Variants in P2RY14 observed in about 807,000 individuals in gnomAD.
P2RY14 encodes purinergic receptor P2Y14.
A neutral mutation model predicts 0.9 loss-of-function variants in P2RY14; 2 were observed. That is an observed-to-expected ratio of 2.16 (90% CI 0.88 to 6.79). The LOEUF (loss-of-function observed/expected upper bound fraction) is 6.79. P2RY14 is among the 30% of genes most tolerant of loss of function. P2RY14 has a pLI of 0.05. For synonymous variants in P2RY14, 158 were observed against 147.2 expected, an observed-to-expected ratio of 1.07 and a Z score of -0.53; for missense variants, 378 against 400.1, an observed-to-expected ratio of 0.94 and a Z score of 0.47.
chr3:151,224,816 C>T (rs937540551), intron 1 of P2RY14, among the ~76,000 whole-genome samples: 8 of 152,122 alleles, frequency 5.3e-5, no homozygotes, highest in African/African-American at 1.9e-4. Context: ...CATTTGATAT[C>T]ATTGATTTCC....
At chr3:151,248,495 TTATA>T (rs1292874894) in intron 1 of P2RY14, among the ~76,000 whole-genome samples, 1 of 152,170 alleles carries the variant, frequency 6.6e-6, no homozygotes, top group African/African-American at 2.4e-5. Context: ...TGCCCTGAGA[TTATA>T]TATATCATAA....
At chr3:151,237,994 T>C (rs1487499762) in intron 1 of P2RY14, among the ~76,000 whole-genome samples, 2 of 152,212 alleles carry the variant, frequency 1.3e-5, no homozygotes, top group Non-Finnish European at 2.9e-5. Context: ...TGTGACTTAC[T>C]GTTTTCACTT....
intron 1 of P2RY14, among the ~76,000 whole-genome samples, chr3:151,265,033 T>C (rs1036927168): frequency 2.2e-4 from 34 of 152,230 alleles, no homozygotes; most frequent in African/African-American, 7.5e-4. Context: ...ATCTTCATGA[T>C]GATTTCTTCC....
chr3:151,240,815 G>C (rs1287531681), intron 1 of P2RY14, among the ~76,000 whole-genome samples: 1 of 152,188 alleles, frequency 6.6e-6, no homozygotes, highest in Non-Finnish European at 1.5e-5. Context: ...CATTTCCTTA[G>C]GTCAGAGACA....
At chr3:151,245,340 C>T in intron 1 of P2RY14, among the ~76,000 whole-genome samples, 1 of 151,926 alleles carries the variant, frequency 6.6e-6, no homozygotes, top group East Asian at 1.9e-4. Context: ...AGACCAATAT[C>T]CTTGATGAAC....
chr3:151,251,108 T>G (rs1371155487), intron 1 of P2RY14, among the ~76,000 whole-genome samples: 1 of 152,186 alleles, frequency 6.6e-6, no homozygotes, highest in Non-Finnish European at 1.5e-5. Flanking sequence ...TGTTGATGTT[T>G]TATGGATTCC....
intron 1 of P2RY14, among the ~76,000 whole-genome samples, chr3:151,248,157 T>G (rs1410395681): frequency 6.6e-6 from 1 of 151,984 alleles, no homozygotes; most frequent in Non-Finnish European, 1.5e-5. Context: ...TGTTTGTTAT[T>G]TAAATGTTTA....
In P2RY14 at chr3:151,222,763, G is replaced by A. The variant is rs76243871; in HGVS notation, c.-132-3121C>T. On this transcript the variant is annotated intron_variant, in intron 1 of 2. Transcript: ENST00000309170. ...GGTCCATGTACCACTCTTTGAGTTA[G>A]CATCATTTTTTTCCCCCAGATCCTG... Among the ~76,000 whole-genome samples the A allele has an allele frequency of 5.8e-3, 890 of 152,278 alleles. 11 individuals carry two copies. Among genetic ancestry groups the A allele is most frequent in the African/African-American group, 0.021 (852 of 41,556 alleles).
At chr3:151,262,284 G>T (rs1739058604) in intron 1 of P2RY14, among the ~76,000 whole-genome samples, 1 of 152,232 alleles carries the variant, frequency 6.6e-6, no homozygotes, top group African/African-American at 2.4e-5. Flanking sequence ...ACTAGTGATA[G>T]TTTGGATTTG....
At chr3:151,224,629 AATC>A (rs1173530241) in intron 1 of P2RY14, among the ~76,000 whole-genome samples, 1 of 152,024 alleles carries the variant, frequency 6.6e-6, no homozygotes, top group Non-Finnish European at 1.5e-5. Context: ...AGTCAAGGAG[AATC>A]TCACTTTCTT....
intron 1 of P2RY14, among the ~76,000 whole-genome samples, chr3:151,275,722 A>C (rs1267009235): frequency 6.6e-6 from 1 of 152,204 alleles, no homozygotes; most frequent in Non-Finnish European, 1.5e-5. Flanking sequence ...CAGAAAATTT[A>C]GTAAAGAGGG....
chr3:151,256,849 G>C (rs1477983677), intron 1 of P2RY14, among the ~76,000 whole-genome samples: 1 of 138,790 alleles, frequency 7.2e-6, no homozygotes, highest in Non-Finnish European at 1.6e-5. Context: ...AATGACAGAG[G>C]TTTTTTTTTT....
chr3:151,246,095 A>C (rs1025304816), intron 1 of P2RY14, among the ~76,000 whole-genome samples: 19 of 152,198 alleles, frequency 1.2e-4, no homozygotes, highest in South Asian at 2.1e-4. Flanking sequence ...GGAGAACTAC[A>C]AACCACTGCT....
intron 1 of P2RY14, among the ~76,000 whole-genome samples, chr3:151,228,437 T>C (rs1730974870): frequency 2.6e-5 from 4 of 152,062 alleles, no homozygotes. Flanking sequence ...CAGAATAAAC[T>C]ATCAGGCTCC....
chr3:151,244,392 AAG>A (rs943840657), intron 1 of P2RY14, among the ~76,000 whole-genome samples: 30 of 134,290 alleles, frequency 2.2e-4, no homozygotes, highest in Admixed American at 8.7e-4. Context: ...GCAAATGTAA[AAG>A]AACAGAAATT....
Position 151,213,529 on chromosome 3 carries a change from G to A in P2RY14, c.788C>T (p.Ala263Val), listed in dbSNP as rs1727558341. 4 of 1,614,152 alleles carry A rather than the reference G, an allele frequency of 2.5e-6. No individual in the cohort carries two copies. The highest frequency in any genetic ancestry group is 3.4e-6 in the Non-Finnish European group (4 of 1,180,006). ...RIPYTKSQTE[A>V]HYSCQSKEIL... ...TTCTTTTGACTGGCAGCTGTAATGA[G>A]CTTCGGTCTGACTCTTTGTGTAGGG... is the stretch of plus-strand genomic sequence containing the variant. Residue 263 changes from alanine (A) to valine (V), a missense_variant, in exon 3 of 3, where the codon GCT becomes GTT. Coordinates refer to ENST00000309170, the MANE Select transcript of P2RY14 (RefSeq NM_014879.4).
chr3:151,266,083 G>T (rs1322799493), intron 1 of P2RY14, among the ~76,000 whole-genome samples: 4 of 152,152 alleles, frequency 2.6e-5, no homozygotes, highest in Admixed American at 2.6e-4. Flanking sequence ...TGGCTTTGCT[G>T]CCATCTTTCC....
At chr3:151,257,801 T>C (rs955221670) in intron 1 of P2RY14, among the ~76,000 whole-genome samples, 5 of 152,178 alleles carry the variant, frequency 3.3e-5, no homozygotes, top group Non-Finnish European at 5.9e-5. Flanking sequence ...AGACCACCTT[T>C]TGTTCAAGTG....
At chr3:151,269,613 G>A in intron 1 of P2RY14, 1 of 350,858 alleles carries the variant, frequency 2.9e-6, no homozygotes, top group South Asian at 2.6e-5. Context: ...TACTTGGGGA[G>A]GAAGACAAAG....
Sources: allele counts gnomAD v4.1 joint callset (sites outside exome capture counted in the v4.1 genomes callset), GRCh38; gene constraint gnomAD v4.1.1; transcripts MANE v1.5; gene names NCBI Gene and HGNC (gene_info 2026-07-23, HGNC 2026-07-21).